The following NRXN1 variants were observed in gnomAD, a reference collection of about 807,000 sequenced individuals.
NRXN1 encodes the protein neurexin-1.
In NRXN1, 39 loss-of-function variants were observed where a neutral mutation model predicts 150.9. That is an observed-to-expected ratio of 0.26 (90% CI 0.20 to 0.34). The LOEUF is 0.34. NRXN1 is among the 10% of genes least tolerant of loss of function. The pLI, the probability that NRXN1 is intolerant of heterozygous loss-of-function variation, is 1.00. For missense variants in NRXN1, 1,815 were observed against 1,949.9 expected, an observed-to-expected ratio of 0.93 and a Z score of 1.30; for synonymous variants, 924 against 757.0, an observed-to-expected ratio of 1.22 and a Z score of -3.62.
At chr2:50,453,053 A>G (rs2087148710) in intron 17 of NRXN1, among the ~76,000 whole-genome samples, 1 of 152,210 alleles carries the variant, frequency 6.6e-6, no homozygotes, top group Non-Finnish European at 1.5e-5. Context: ...GATAGTATTA[A>G]AACCCTCTCA....
chr2:49,937,247 T>C (rs915725823), intron 22 of NRXN1, among the ~76,000 whole-genome samples: 1 of 152,228 alleles, frequency 6.6e-6, no homozygotes, highest in Non-Finnish European at 1.5e-5. Flanking sequence ...GCAAGCACAG[T>C]TGGTCCCAAA....
intron 5 of NRXN1, among the ~76,000 whole-genome samples, chr2:50,772,043 G>A (rs897954351): frequency 6.6e-6 from 1 of 151,980 alleles, no homozygotes; most frequent in Admixed American, 6.6e-5. Flanking sequence ...ACAGACATGG[G>A]CATGCAATAG....
intron 8 of NRXN1, chr2:50,589,540 G>T: frequency 2.8e-5 from 1 of 36,070 alleles, no homozygotes; most frequent in African/African-American, 4.4e-5. Context: ...TATTCTTAGT[G>T]GAGACGTTTC....
intron 17 of NRXN1, among the ~76,000 whole-genome samples, chr2:50,389,390 G>C (rs2081539801): frequency 6.6e-6 from 1 of 150,912 alleles, no homozygotes; most frequent in Admixed American, 6.6e-5. Context: ...AATAAGTTCT[G>C]AGACAATGTC....
chr2:50,319,347 G>C (rs541976671), intron 17 of NRXN1, among the ~76,000 whole-genome samples: 24 of 152,174 alleles, frequency 1.6e-4, no homozygotes, highest in African/African-American at 5.5e-4. Flanking sequence ...AGTTACACTG[G>C]CTGATACTCA....
chr2:50,479,214 C>T (rs2090242295), intron 15 of NRXN1, among the ~76,000 whole-genome samples: 1 of 152,184 alleles, frequency 6.6e-6, no homozygotes, highest in Admixed American at 6.5e-5. Flanking sequence ...ACAGTCCGAC[C>T]TTTAGTCAAA....
chr2:50,328,355 C>T (rs1422302149), intron 17 of NRXN1, among the ~76,000 whole-genome samples: 3 of 152,022 alleles, frequency 2.0e-5, no homozygotes, highest in South Asian at 2.1e-4. Context: ...ACCTCAGCAC[C>T]AAGGCTAGTA....
chr2:50,073,510 T>C (rs919174092), intron 19 of NRXN1, among the ~76,000 whole-genome samples: 10 of 152,216 alleles, frequency 6.6e-5, no homozygotes, highest in Non-Finnish European at 1.2e-4. Flanking sequence ...TTCTTTTCCA[T>C]GATCCAGACT....
intron 2 of NRXN1, among the ~76,000 whole-genome samples, chr2:50,934,051 A>G (rs1688168816): frequency 6.6e-6 from 1 of 152,120 alleles, no homozygotes; most frequent in Admixed American, 6.6e-5. Context: ...ACCTCATTAT[A>G]TGTTGCTTTA....
intron 5 of NRXN1, chr2:50,917,409 T>G (rs1574924633): frequency 6.6e-6 from 1 of 151,826 alleles, no homozygotes; most frequent in Admixed American, 6.6e-5. Context: ...TAACTGGAAG[T>G]TGTGCACTTC....
chr2:50,174,449 A>C (rs1316168867), intron 18 of NRXN1, among the ~76,000 whole-genome samples: 1 of 152,208 alleles, frequency 6.6e-6, no homozygotes, highest in African/African-American at 2.4e-5. Context: ...ACTAATACAC[A>C]GATGACTTCA....
chr2:50,512,445 A>G (rs2092484904), intron 12 of NRXN1, among the ~76,000 whole-genome samples: 6 of 152,220 alleles, frequency 3.9e-5, no homozygotes, highest in Admixed American at 3.9e-4. Flanking sequence ...GTTAATCACT[A>G]TAAATTTTGT....
At chr2:50,312,424 T>G (rs946298855) in intron 17 of NRXN1, among the ~76,000 whole-genome samples, 4 of 141,716 alleles carry the variant, frequency 2.8e-5, no homozygotes, top group Admixed American at 6.9e-5. Flanking sequence ...TCTTTGTGGG[T>G]TTTTTTTTTT....
At chr2:50,708,657 C>G (rs1160067168) in intron 5 of NRXN1, among the ~76,000 whole-genome samples, 1 of 151,774 alleles carries the variant, frequency 6.6e-6, no homozygotes, top group Non-Finnish European at 1.5e-5. Context: ...CTAAGACAAC[C>G]CAATAAAGTG....
chr2:50,223,954 T>G, intron 18 of NRXN1, among the ~76,000 whole-genome samples: 1 of 151,958 alleles, frequency 6.6e-6, no homozygotes, highest in Non-Finnish European at 1.5e-5. Flanking sequence ...AGTATTAGTT[T>G]AGTTCTACAT....
chr2:50,650,668 T>C (rs1206330932), intron 5 of NRXN1, among the ~76,000 whole-genome samples: 1 of 152,068 alleles, frequency 6.6e-6, no homozygotes, highest in Non-Finnish European at 1.5e-5. Context: ...TAGATTTTTC[T>C]CTTTGTACTT....
chr2:50,037,039 C>T (rs901396643), intron 21 of NRXN1, among the ~76,000 whole-genome samples: 1 of 152,148 alleles, frequency 6.6e-6, no homozygotes, highest in Non-Finnish European at 1.5e-5. Flanking sequence ...GAGCTTGGAA[C>T]ACATCAAAAA....
chr2:50,188,041 C>T (rs1028983465), intron 18 of NRXN1, among the ~76,000 whole-genome samples: 1 of 152,200 alleles, frequency 6.6e-6, no homozygotes. Context: ...AATTTGACTT[C>T]CTCTCTTCCT....
chr2:50,636,542 C>T (rs916769742), intron 5 of NRXN1, among the ~76,000 whole-genome samples: 5 of 152,260 alleles, frequency 3.3e-5, no homozygotes, highest in African/African-American at 2.4e-5. Flanking sequence ...AACTCAATTG[C>T]TCTCCTGCTG....
Sources: gnomAD v4.1 joint callset for allele counts (sites outside exome capture counted in the v4.1 genomes callset) on GRCh38, gnomAD v4.1.1 for gene constraint, MANE v1.5 for transcripts, NCBI Gene and HGNC (gene_info 2026-07-23, HGNC 2026-07-21) for gene names.